The following CRHR2 variants were observed in gnomAD, a reference collection of about 807,000 sequenced individuals.
CRHR2 encodes the protein corticotropin-releasing hormone receptor 2.
In CRHR2, 53 loss-of-function variants were observed where a neutral mutation model predicts 57.9. That is an observed-to-expected ratio of 0.92 (90% CI 0.73 to 1.15). The LOEUF (loss-of-function observed/expected upper bound fraction) is 1.15. CRHR2 is among the 50% of genes most tolerant of loss of function. The pLI is 0.00. For missense variants in CRHR2, 532 were observed against 542.6 expected (o/e 0.98, Z 0.19); for synonymous variants, 213 against 220.9 (o/e 0.96, Z 0.32).
chr7:30,673,559 CT>C (rs1784429820), intron 2 of CRHR2, among the ~76,000 whole-genome samples: 4 of 152,202 alleles, frequency 2.6e-5, no homozygotes, highest in African/African-American at 9.7e-5. Flanking sequence ...CAATCAATGT[CT>C]CCTCCCAGCT....
intron 1 of CRHR2, among the ~76,000 whole-genome samples, chr7:30,694,592 A>AC: frequency 6.6e-6 from 1 of 152,142 alleles, no homozygotes; most frequent in Non-Finnish European, 1.5e-5. Flanking sequence ...GCTGCCAGGG[A>AC]CCGGAGGGGA....
In CRHR2 at chr7:30,665,179, C is replaced by T. The variant is rs774855744; in HGVS notation, c.434G>A (p.Arg145His). ...FLLFLALRSI[R>H]CLRNVIHWNL... Reference sequence around the variant, plus strand: ...CCAGTGAATCACATTCCGCAGACAGCGAATGCTCCTGTGGGAGGTGCAGGT... The same window carrying T: ...CCAGTGAATCACATTCCGCAGACAGTGAATGCTCCTGTGGGAGGTGCAGGT... The change falls in exon 5 of 12, where the codon CGC (arginine) becomes CAC (histidine). Residue 145 changes from arginine (R) to histidine (H), a missense_variant. By Grantham distance (29) the Arg-to-His change is conservative. Transcript: ENST00000471646. This position sits in a 1 kb window ranked among gnomAD's most constrained non-coding sequence, Gnocchi z 4.5. The T allele has an allele frequency of 4.6e-5, 75 of 1,613,724 alleles. No individual in the cohort carries two copies. The Middle Eastern group carries it at 9.9e-4, about 21-fold the overall frequency.
rs1784140657 is a variant in CRHR2 at position 30,665,243 on chromosome 7, T to C, written c.426-56A>G. The C allele has an allele frequency of 2.0e-6, 3 of 1,483,366 alleles. No homozygotes were observed. The highest frequency in any genetic ancestry group is 1.7e-5 in the Admixed American group (1 of 59,368). 91.9% of individuals were successfully genotyped at this position (1,483,366 alleles called of 1,614,324 possible). Reference sequence around the variant, plus strand: ...GGTTCAGGGGTCAACTGGGACTGGGTTCCCCCTGAGGCCAGGTAGAGACTC... The same window carrying C: ...GGTTCAGGGGTCAACTGGGACTGGGCTCCCCCTGAGGCCAGGTAGAGACTC... On this transcript the variant is annotated intron_variant, in intron 4 of 11. Coordinates refer to ENST00000471646, the MANE Select transcript of CRHR2 (RefSeq NM_001883.5). This position sits in a 1 kb window ranked among gnomAD's most constrained non-coding sequence, Gnocchi z 4.5.
chr7:30,668,348 C>T (rs1234220252), intron 2 of CRHR2, among the ~76,000 whole-genome samples: 3 of 152,048 alleles, frequency 2.0e-5, no homozygotes, highest in African/African-American at 7.2e-5. Flanking sequence ...GCTTGGCCTT[C>T]ATCACTAGTG....
chr7:30,664,988 A>C (rs1784127496), intron 5 of CRHR2, 82 bp downstream of exon 5: 3 of 1,135,760 alleles, frequency 2.6e-6, no homozygotes, highest in Non-Finnish European at 4.0e-6. Context: ...GGAGGGGTCC[A>C]AGCAGAGACC....
intron 1 of CRHR2, among the ~76,000 whole-genome samples, chr7:30,694,776 G>A (rs1785025124): frequency 6.6e-6 from 1 of 151,742 alleles, no homozygotes; most frequent in African/African-American, 2.4e-5. Flanking sequence ...AGCAAGAGGA[G>A]AGGGAAGAGA....
Position 30,665,790 on chromosome 7 carries a change from T to C in CRHR2, c.316-151A>G. On this transcript the variant is annotated intron_variant, in intron 3 of 11. Transcript: ENST00000471646. The surrounding 1 kb of genome is among the most constrained non-coding windows in gnomAD (Gnocchi z 4.5). Reference sequence around the variant, plus strand: ...GTGCCTGGCTCTTAGGGTTCGTTCCTGTTGGCCCTGGGTGGCTCTTGTTGT... The same window carrying C: ...GTGCCTGGCTCTTAGGGTTCGTTCCCGTTGGCCCTGGGTGGCTCTTGTTGT... The C allele has an allele frequency of 1.6e-6, 1 of 636,810 alleles. No individual in the cohort carries two copies. Among genetic ancestry groups the C allele is most frequent in the Non-Finnish European group, 2.8e-6 (1 of 359,852 alleles). The allele number at this position is 636,810 out of a possible 1,614,324, so 39.4% of individuals were successfully genotyped here. A position where few individuals can be genotyped will look rare whatever the true frequency, so the allele number is the denominator to read the frequency against.
intron 8 of CRHR2, among the ~76,000 whole-genome samples, chr7:30,659,224 G>T (rs912359513): frequency 6.6e-6 from 1 of 152,238 alleles, no homozygotes; most frequent in East Asian, 1.9e-4. Context: ...AGACGCAGGG[G>T]TGGAGCCAGA....
intron 7 of CRHR2, 66 bp from the exon 8 acceptor site, chr7:30,660,711 GC>G: frequency 6.8e-7 from 1 of 1,470,438 alleles, no homozygotes; most frequent in Non-Finnish European, 9.3e-7. Context: ...ACAGACTTGG[GC>G]CCAGGGTCCT....
At chr7:30,679,392 G>A (rs763797491) in intron 2 of CRHR2, among the ~76,000 whole-genome samples, 1 of 152,216 alleles carries the variant, frequency 6.6e-6, no homozygotes, top group Non-Finnish European at 1.5e-5. Flanking sequence ...ATGTGTCTGA[G>A]ACTCAGTGTT....
upstream of CRHR2, chr7:30,682,616 C>G (rs1584130795): frequency 1.4e-6 from 1 of 712,682 alleles, no homozygotes; most frequent in South Asian, 4.8e-5. Flanking sequence ...AGTACGGCTT[C>G]TCAGTTCGCA....
intron 11 of CRHR2, among the ~76,000 whole-genome samples, chr7:30,654,329 C>G (rs1004575670): frequency 6.6e-6 from 1 of 152,212 alleles, no homozygotes; most frequent in Non-Finnish European, 1.5e-5. Context: ...CCACAGGACC[C>G]GTCTCTGCTG....
chr7:30,665,491 G>A lies in CRHR2; in HGVS notation c.425+39C>T. The A allele has an allele frequency of 6.7e-6, 10 of 1,483,112 alleles. No individual in the cohort carries two copies. Among genetic ancestry groups the A allele is most frequent in the Non-Finnish European group, 9.2e-6 (10 of 1,084,746 alleles). 91.9% of individuals were successfully genotyped at this position (1,483,112 alleles called of 1,614,324 possible). On this transcript the variant is annotated intron_variant, in intron 4 of 11. Coordinates refer to ENST00000471646, the MANE Select transcript of CRHR2 (RefSeq NM_001883.5). This position sits in a 1 kb window ranked among gnomAD's most constrained non-coding sequence, Gnocchi z 4.5. ...AGAGGTGAAGGGGGTGCTGTAGGGG[G>A]AGGGATGAGGAGAAAGCAAGGCGGA...
At chr7:30,694,714 T>C (rs1006969872) in intron 1 of CRHR2, among the ~76,000 whole-genome samples, 6 of 151,914 alleles carry the variant, frequency 3.9e-5, no homozygotes, top group Non-Finnish European at 7.4e-5. Context: ...GTGGATTTCA[T>C]TGAGCCTGAG....
intron 10 of CRHR2, 21 bp from the exon 11 acceptor site, chr7:30,655,101 G>A: frequency 6.2e-7 from 1 of 1,611,988 alleles, no homozygotes; most frequent in South Asian, 1.1e-5. Flanking sequence ...GGGAAAGGAG[G>A]GAGTGGTCAG....
At chr7:30,660,531 T>C in intron 8 of CRHR2, 42 bp downstream of exon 8, 1 of 1,546,972 alleles carries the variant, frequency 6.5e-7, no homozygotes, top group Non-Finnish European at 8.7e-7. Flanking sequence ...TCTTCTGTCC[T>C]CTTGGCACCC....
At position 30,681,945 on chromosome 7, in the gene CRHR2, AC is replaced by A; in HGVS notation, c.198del (p.Glu66AspfsTer85). 6.2e-7 allele frequency: 1 copy of A among 1,612,098 alleles called. No homozygotes were observed. The highest frequency in any genetic ancestry group is 8.5e-7 in the Non-Finnish European group (1 of 1,179,456). The part of the protein sequence containing the change: ...AGALVERPCP[E>X]YFNGVKYNTT... ...GTGTTGTACTTGACGCCGTTGAAGT[AC>A]TCGGGGCACGGCCTCTCCACGAGGG... On this transcript the variant is annotated frameshift_variant, in exon 2 of 12. Coordinates refer to ENST00000471646, the MANE Select transcript of CRHR2 (RefSeq NM_001883.5). LOFTEE classifies it high-confidence loss of function.
chr7:30,681,174 TC>T (rs1584126847), intron 2 of CRHR2, among the ~76,000 whole-genome samples: 1 of 151,948 alleles, frequency 6.6e-6, no homozygotes, highest in Non-Finnish European at 1.5e-5. Context: ...ACTGCCCTTT[TC>T]CCCAGAGCCT....
At position 30,662,155 on chromosome 7, in the gene CRHR2, C is replaced by T. The variant is rs761788750; in HGVS notation, c.758+1G>A. 6.2e-7 allele frequency: 1 copy of T among 1,614,006 alleles called. No homozygotes were observed. ...CCCCCATGGCTGGCCCATCCACTTA[C>T]TGTTCATTCTCATAGTAGAGCTTGC... On this transcript the variant is annotated splice_donor_variant, in intron 7 of 11. Coordinates refer to ENST00000471646, the MANE Select transcript of CRHR2 (RefSeq NM_001883.5). LOFTEE classifies it high-confidence loss of function.
Sources: gnomAD v4.1 joint callset for allele counts (sites outside exome capture counted in the v4.1 genomes callset) on GRCh38, gnomAD v4.1.1 for gene constraint, Gnocchi (gnomAD v3.1) non-coding constraint, MANE v1.5 for transcripts, NCBI Gene and HGNC (gene_info 2026-07-23, HGNC 2026-07-21) for gene names.